Variants in DAB2IP observed in about 807,000 individuals in gnomAD.
DAB2IP encodes DAB2 interacting protein, also known as disabled homolog 2-interacting protein.
A neutral mutation model predicts 107.2 loss-of-function variants in DAB2IP; 28 were observed. That is an observed-to-expected ratio of 0.26 (90% CI 0.19 to 0.36). The LOEUF (loss-of-function observed/expected upper bound fraction) is 0.36, where lower values mean the gene tolerates loss of function less well. DAB2IP is among the 10% of genes least tolerant of loss of function. The probability of loss-of-function intolerance (pLI) is 1.00; values close to 1 mark genes in which losing one functional copy is unlikely to be tolerated. For synonymous variants in DAB2IP, 755 were observed against 706.4 expected (o/e 1.07, Z -1.09); for missense variants, 1,400 against 1,644.7 (o/e 0.85, Z 2.57).
chr9:121,629,557 C>T (rs1831795983), intron 1 of DAB2IP, among the ~76,000 whole-genome samples: 2 of 152,192 alleles, frequency 1.3e-5, no homozygotes, highest in Non-Finnish European at 2.9e-5. Context: ...CCATTTATTA[C>T]CTGTCAGCTT....
intron 1 of DAB2IP, among the ~76,000 whole-genome samples, chr9:121,621,984 C>CTTTTTTTTTTTTTTT (rs1202929145): frequency 2.0e-5 from 2 of 99,716 alleles, no homozygotes; most frequent in Admixed American, 1.1e-4. Flanking sequence ...TTTTTTCTTT[C>CTTTTTTTTTTTTTTT]TTTTTTTTTT....
At chr9:121,709,605 T>C (rs1024078175) in intron 3 of DAB2IP, among the ~76,000 whole-genome samples, 6 of 152,174 alleles carry the variant, frequency 3.9e-5, no homozygotes, top group African/African-American at 1.4e-4. Context: ...TTGGCTTTAT[T>C]ATGTAAGGCC....
In DAB2IP at chr9:121,662,260, TTTTC is replaced by T. The variant is rs992571082; in HGVS notation, c.124+10367_124+10370del. 2.0e-5 allele frequency among the ~76,000 whole-genome samples: 3 copies of T among 152,208 alleles called. No homozygotes were observed. Among genetic ancestry groups the T allele is most frequent in the African/African-American group, 7.2e-5 (3 of 41,448 alleles). ...CATTGCCATACCTGCCTCTCTTCTC[TTTTC>T]TTTCTATCTTTCTTAGAAATAGAAA... On this transcript the variant is annotated intron_variant, in intron 1 of 15. Transcript: ENST00000408936. The surrounding 1 kb of genome is among the most constrained non-coding windows in gnomAD (Gnocchi z 4.6).
Position 121,782,427 on chromosome 9 carries a change from A to G in DAB2IP, c.3499A>G (p.Ile1167Val). The change falls in exon 16 of 16, where the codon ATC (isoleucine) becomes GTC (valine). Residue 1167 changes from isoleucine (I) to valine (V), a missense_variant. Ile to Val is a conservative substitution (Grantham distance 29, BLOSUM62 3). Coordinates refer to ENST00000408936, the Ensembl canonical transcript of DAB2IP. The surrounding 1 kb of genome is among the most constrained non-coding windows in gnomAD (Gnocchi z 6.1). ...GTACAGCATGCAAGCCCGTAACGGC[A>G]TCTCCCCCACCAACCCCACCAAATT... 6.2e-7 allele frequency: 1 copy of G among 1,614,112 alleles called. No individual in the cohort carries two copies. The highest frequency in any genetic ancestry group is 8.5e-7 in the Non-Finnish European group (1 of 1,179,978).
Position 121,702,462 on chromosome 9 carries a change from G to C in DAB2IP, c.362+3004G>C, listed in dbSNP as rs1829839668. On this transcript the variant is annotated intron_variant, in intron 3 of 15. Coordinates refer to ENST00000408936, the Ensembl canonical transcript of DAB2IP. This position sits in a 1 kb window ranked among gnomAD's most constrained non-coding sequence, Gnocchi z 4.5. ...ACTTATTCTTCTGAAACGGCCTCAG[G>C]GGAGGTTGCCAGCTGGTCTCCACAG... Among the ~76,000 whole-genome samples the C allele has an allele frequency of 6.6e-6, 1 of 152,144 alleles. No individual in the cohort carries two copies. Among genetic ancestry groups the C allele is most frequent in the African/African-American group, 2.4e-5 (1 of 41,418 alleles).
chr9:121,723,301 CAAGGGATCCTCG>C (rs139788798), intron 3 of DAB2IP, among the ~76,000 whole-genome samples: 1,818 of 152,350 alleles, frequency 0.012, 36 homozygotes, highest in African/African-American at 0.041. Context: ...AGGGCTCCCC[CAAGGGATCCTCG>C]GGATTGAGTT....
At chr9:121,769,793 C>T (rs1037721794) in intron 10 of DAB2IP, among the ~76,000 whole-genome samples, 2 of 152,194 alleles carry the variant, frequency 1.3e-5, no homozygotes, top group Admixed American at 6.5e-5. Flanking sequence ...GTGCTGTCCA[C>T]GTATCTGCAC....
At chr9:121,676,549 A>AC (rs1370028842) in intron 1 of DAB2IP, among the ~76,000 whole-genome samples, 1 of 151,412 alleles carries the variant, frequency 6.6e-6, no homozygotes, top group African/African-American at 2.4e-5. Flanking sequence ...TTTCCCAGGC[A>AC]CCCCCCACGC....
chr9:121,762,794 A>ATC (rs1038388131), intron 6 of DAB2IP, among the ~76,000 whole-genome samples: 1 of 152,136 alleles, frequency 6.6e-6, no homozygotes, highest in Admixed American at 6.5e-5. Context: ...GGGTGTTAGT[A>ATC]TCTGCATGGT....
intron 1 of DAB2IP, among the ~76,000 whole-genome samples, chr9:121,586,650 C>A (rs1201083136): frequency 6.6e-6 from 1 of 151,902 alleles, no homozygotes; most frequent in Non-Finnish European, 1.5e-5. Context: ...AGACTCCCTT[C>A]TTTACAAAAA....
chr9:121,668,907 C>CTT (rs377320590), intron 1 of DAB2IP, among the ~76,000 whole-genome samples: 5,912 of 71,964 alleles, frequency 0.082, 320 homozygotes, highest in Non-Finnish European at 0.1. Context: ...GTAAGCCTTA[C>CTT]TTTTTTTTTT....
chr9:121,679,497 G>A (rs1807624139), intron 2 of DAB2IP, among the ~76,000 whole-genome samples: 1 of 151,338 alleles, frequency 6.6e-6, no homozygotes, highest in African/African-American at 2.4e-5. Flanking sequence ...GAGCATTACT[G>A]TGTGTACCTC....
intron 1 of DAB2IP, among the ~76,000 whole-genome samples, chr9:121,666,404 G>A (rs1440315415): frequency 6.6e-6 from 1 of 152,234 alleles, no homozygotes; most frequent in Non-Finnish European, 1.5e-5. Context: ...GCGTAGCACA[G>A]GTGGGTAAGG....
chr9:121,659,883 G>A (rs952674074), intron 1 of DAB2IP, among the ~76,000 whole-genome samples: 4 of 152,180 alleles, frequency 2.6e-5, no homozygotes, highest in African/African-American at 9.7e-5. Flanking sequence ...TCCCTACCCT[G>A]AGAGGCTGCC....
chr9:121,661,073 A>G (rs1228807944), intron 1 of DAB2IP, among the ~76,000 whole-genome samples: 2 of 151,534 alleles, frequency 1.3e-5, no homozygotes. Context: ...CGGGAGGATG[A>G]GGGTCATTGA....
Position 121,782,822 on chromosome 9 carries a change from T to A in DAB2IP, c.*324T>A. 8.7e-7 allele frequency: 1 copy of A among 1,145,720 alleles called. No individual in the cohort carries two copies. Among genetic ancestry groups the A allele is most frequent in the Non-Finnish European group, 1.1e-6 (1 of 928,462 alleles). The allele number at this position is 1,145,720 out of a possible 1,614,324, so 71.0% of individuals were successfully genotyped here. ...TGAATGTGGTGTGTCCTTGTCCTCC[T>A]GGATCTGGCCGAGTGCATGTGTCCC... On this transcript the variant is annotated 3_prime_UTR_variant, in exon 16 of 16. Transcript: ENST00000408936. The surrounding 1 kb of genome is among the most constrained non-coding windows in gnomAD (Gnocchi z 6.1).
chr9:121,673,624 T>C (rs1384311959), intron 1 of DAB2IP, among the ~76,000 whole-genome samples: 2 of 152,148 alleles, frequency 1.3e-5, no homozygotes, highest in Non-Finnish European at 2.9e-5. Flanking sequence ...AAAAAGTGTC[T>C]AAGAAGACTT....
At chr9:121,691,488 TC>T (rs1829158222) in intron 2 of DAB2IP, among the ~76,000 whole-genome samples, 1 of 144,820 alleles carries the variant, frequency 6.9e-6, no homozygotes, top group Admixed American at 7.1e-5. Flanking sequence ...GCCACTGCAC[TC>T]CAGCCTGAGG....
At chr9:121,714,968 G>T (rs937887416) in intron 3 of DAB2IP, among the ~76,000 whole-genome samples, 1 of 152,268 alleles carries the variant, frequency 6.6e-6, no homozygotes, top group Non-Finnish European at 1.5e-5. Flanking sequence ...ATCCTAAGAA[G>T]TGGATATTTC....
Sources: gnomAD v4.1 joint callset for allele counts (sites outside exome capture counted in the v4.1 genomes callset) on GRCh38, gnomAD v4.1.1 for gene constraint, Gnocchi (gnomAD v3.1) non-coding constraint, MANE v1.5 for transcripts, NCBI Gene and HGNC (gene_info 2026-07-23, HGNC 2026-07-21) for gene names.